DPP6: variants seen among roughly 807,000 people sequenced by gnomAD.
DPP6 encodes the protein A-type potassium channel modulatory protein DPP6.
Under a neutral mutation model 122.6 loss-of-function variants are expected in DPP6, and 69 were observed. The ratio of observed to expected loss-of-function variants is 0.56; its 90% CI spans 0.46 to 0.69. The LOEUF is 0.69. Ranked by LOEUF, DPP6 falls within the 30% of genes least tolerant of loss-of-function variation. DPP6 has a pLI of 0.00. For missense variants in DPP6, 928 were observed against 1,116.9 expected (o/e 0.83, Z 2.41); for synonymous variants, 418 against 433.1 (o/e 0.97, Z 0.43).
chr7:153,903,949 C>G (rs1799742260), intron 1 of DPP6, among the ~76,000 whole-genome samples: 1 of 152,152 alleles, frequency 6.6e-6, no homozygotes, highest in Non-Finnish European at 1.5e-5. Flanking sequence ...GTCAATCATC[C>G]TATGTGTGAC....
Position 154,581,032 on chromosome 7 carries a change from GT to G in DPP6, c.627+14122del. ...CCTCTGTTCCCTCCGCTCCCAGACTGTTTTTTCTGCTTGCCCTGCATTCATT... is the reference window on the plus strand; with the variant it reads ...CCTCTGTTCCCTCCGCTCCCAGACTGTTTTTCTGCTTGCCCTGCATTCATT... On this transcript the variant is annotated intron_variant, in intron 5 of 25. Transcript: ENST00000377770. Among the ~76,000 whole-genome samples the G allele has an allele frequency of 2.6e-5, 4 of 152,086 alleles. No homozygotes were observed. In the South Asian group the frequency reaches 8.3e-4, roughly 32 times the overall value.
At chr7:154,171,527 T>C (rs1201310658) in intron 1 of DPP6, among the ~76,000 whole-genome samples, 2 of 152,182 alleles carry the variant, frequency 1.3e-5, no homozygotes, top group African/African-American at 2.4e-5. Flanking sequence ...AGGGGGCTAA[T>C]TAAGCTTGAG....
chr7:154,131,929 G>T (rs1795303902), intron 1 of DPP6, among the ~76,000 whole-genome samples: 1 of 152,072 alleles, frequency 6.6e-6, no homozygotes, highest in Non-Finnish European at 1.5e-5. Flanking sequence ...AATACAAAAA[G>T]GACTTGGATA....
chr7:154,090,525 A>AT (rs1259275284), intron 1 of DPP6, among the ~76,000 whole-genome samples: 3 of 152,194 alleles, frequency 2.0e-5, no homozygotes, highest in Non-Finnish European at 4.4e-5. Flanking sequence ...AAAATGTTTC[A>AT]TTTTAAATAC....
At position 154,574,423 on chromosome 7, in the gene DPP6, A is replaced by ATGTGTGGTGTGTGTGTATG. The variant is rs1831340848; in HGVS notation, c.627+7524_627+7542dup. ...TGGTGTGTGTATGTGTGGTGTGTAT[A>ATGTGTGGTGTGTGTGTATG]TGTGTGGTGTGTGTGTATGTGTGTG... On this transcript the variant is annotated intron_variant, in intron 5 of 25. Transcript: ENST00000377770. 1.8e-3 allele frequency among the ~76,000 whole-genome samples: 163 copies of ATGTGTGGTGTGTGTGTATG among 88,594 alleles called. 1 individual carries two copies. The highest frequency in any genetic ancestry group is 3.3e-3 in the Admixed American group (27 of 8,294). 58.1% of individuals were successfully genotyped at this position (88,594 alleles called of 152,430 possible).
chr7:154,305,233 C>T, intron 1 of DPP6: 1 of 1,219,358 alleles, frequency 8.2e-7, no homozygotes, highest in Non-Finnish European at 1.0e-6. Context: ...GTGGCGATTG[C>T]AGAGGCTGTT....
chr7:154,471,246 G>T (rs772276886), intron 2 of DPP6, among the ~76,000 whole-genome samples: 2 of 152,058 alleles, frequency 1.3e-5, no homozygotes, highest in Non-Finnish European at 2.9e-5. Context: ...GCAAGACTCC[G>T]TCTCAAAAAA....
chr7:154,499,251 A>G (rs1825015176), intron 3 of DPP6, among the ~76,000 whole-genome samples: 1 of 152,184 alleles, frequency 6.6e-6, no homozygotes, highest in African/African-American at 2.4e-5. Flanking sequence ...ACTGACCTCA[A>G]TGATAAGGCA....
In DPP6 at chr7:154,850,667, C is replaced by T. The variant is rs191883617; in HGVS notation, c.1667-3113C>T. 5.3e-5 allele frequency among the ~76,000 whole-genome samples: 8 copies of T among 152,204 alleles called. No homozygotes were observed. The East Asian group carries it at 9.7e-4, about 18-fold the overall frequency. On this transcript the variant is annotated intron_variant, in intron 16 of 25. Coordinates refer to ENST00000377770, the MANE Select transcript of DPP6 (RefSeq NM_130797.4). The stretch of plus-strand genomic sequence containing the variant: ...TGATCTCTTCAATTTCTTCATGATT[C>T]GGTCTTGGTAGATTATATGTTTTTA...
chr7:154,865,907 C>A (rs3778740), intron 17 of DPP6, among the ~76,000 whole-genome samples: 50,352 of 152,042 alleles, frequency 0.33, 12,291 homozygotes, highest in African/African-American at 0.67. Context: ...CCATCTACCC[C>A]GGGTACCCAA....
At chr7:153,852,730 A>G in the DPP6 span, among the ~76,000 whole-genome samples, 1 of 152,166 alleles carries the variant, frequency 6.6e-6, no homozygotes, top group East Asian at 1.9e-4. Flanking sequence ...TACTTACCAA[A>G]CACTTATTTA....
At chr7:154,147,465 C>T (rs1430693628) in intron 1 of DPP6, among the ~76,000 whole-genome samples, 2 of 137,940 alleles carry the variant, frequency 1.4e-5, no homozygotes, top group South Asian at 4.2e-4. Flanking sequence ...TTCCTTCCTT[C>T]CTTCCTTCCT....
intron 1 of DPP6, among the ~76,000 whole-genome samples, chr7:154,064,368 C>G (rs1802534123): frequency 6.6e-6 from 1 of 152,178 alleles, no homozygotes; most frequent in African/African-American, 2.4e-5. Context: ...CTGGAATCCA[C>G]CCCATGCCTT....
intron 5 of DPP6, among the ~76,000 whole-genome samples, chr7:154,573,585 C>T (rs940125610): frequency 5.9e-5 from 9 of 152,174 alleles, no homozygotes; most frequent in Non-Finnish European, 8.8e-5. Context: ...CCTTTGCGAC[C>T]GAATTTATAA....
intron 16 of DPP6, among the ~76,000 whole-genome samples, chr7:154,815,533 T>A (rs1412922623): frequency 1.3e-5 from 2 of 152,236 alleles, no homozygotes; most frequent in Non-Finnish European, 2.9e-5. Context: ...TTCCTTCAAG[T>A]TTTTGAAAAC....
At chr7:154,077,853 T>C (rs1490093649) in intron 1 of DPP6, among the ~76,000 whole-genome samples, 3 of 151,884 alleles carry the variant, frequency 2.0e-5, no homozygotes, top group Admixed American at 2.0e-4. Context: ...GTATTTTTAG[T>C]AGAGATGGGG....
intron 1 of DPP6, among the ~76,000 whole-genome samples, chr7:154,420,589 A>T (rs1307464534): frequency 1.3e-5 from 2 of 152,164 alleles, no homozygotes; most frequent in Non-Finnish European, 2.9e-5. Flanking sequence ...CAGTCAAAAA[A>T]TGCAAAGTTT....
At chr7:154,745,983 G>A (rs1843019641) in intron 8 of DPP6, among the ~76,000 whole-genome samples, 1 of 152,160 alleles carries the variant, frequency 6.6e-6, no homozygotes, top group African/African-American at 2.4e-5. Flanking sequence ...GGCCATAGCA[G>A]GGCATATAGC....
chr7:153,862,552 T>C, the DPP6 span, among the ~76,000 whole-genome samples: 1 of 152,234 alleles, frequency 6.6e-6, no homozygotes, highest in Non-Finnish European at 1.5e-5. Flanking sequence ...TTCTAGTTTT[T>C]GTTTTGTTTT....
Sources: gnomAD v4.1 joint callset for allele counts (sites outside exome capture counted in the v4.1 genomes callset) on GRCh38, gnomAD v4.1.1 for gene constraint, MANE v1.5 for transcripts, NCBI Gene and HGNC (gene_info 2026-07-23, HGNC 2026-07-21) for gene names.